ADAMTS18: variants seen among roughly 807,000 people sequenced by gnomAD.
The protein encoded by ADAMTS18 is A disintegrin and metalloproteinase with thrombospondin motifs 18.
Under a neutral mutation model 165.9 loss-of-function variants are expected in ADAMTS18, and 157 were observed. The ratio of observed to expected loss-of-function variants is 0.95; its 90% CI spans 0.83 to 1.08. The LOEUF is 1.08. Among genes scored for constraint, ADAMTS18 ranks in the 50% least tolerant of loss-of-function variants. The pLI, the probability that ADAMTS18 is intolerant of heterozygous loss-of-function variation, is 0.00. For missense variants in ADAMTS18, 2,040 were observed against 1,534.0 expected, an observed-to-expected ratio of 1.33 and a Z score of -5.51; for synonymous variants, 782 against 578.2, an observed-to-expected ratio of 1.35 and a Z score of -5.06.
intron 16 of ADAMTS18, among the ~76,000 whole-genome samples, chr16:77,303,332 A>G (rs2055621088): frequency 6.6e-6 from 1 of 152,194 alleles, no homozygotes; most frequent in African/African-American, 2.4e-5. Context: ...CCCATCTTCC[A>G]TACTACATTG....
intron 3 of ADAMTS18, among the ~76,000 whole-genome samples, chr16:77,383,416 T>C (rs1229133835): frequency 6.6e-6 from 1 of 152,168 alleles, no homozygotes; most frequent in East Asian, 1.9e-4. Context: ...ATTCACTCCA[T>C]TGCTGTTCTA....
intron 3 of ADAMTS18, among the ~76,000 whole-genome samples, chr16:77,419,996 G>A (rs1390183600): frequency 1.2e-5 from 1 of 86,466 alleles, no homozygotes; most frequent in African/African-American, 4.5e-5. Flanking sequence ...AGACTCTGTC[G>A]CAGATTAAAA....
chr16:77,290,457 T>C (rs1386079692), intron 21 of ADAMTS18: 1 of 152,226 alleles, frequency 6.6e-6, no homozygotes, highest in Non-Finnish European at 1.5e-5. Context: ...CCCAGCAATA[T>C]GTGTAACACC....
intron 14 of ADAMTS18, among the ~76,000 whole-genome samples, chr16:77,322,097 G>A (rs1159313731): frequency 7.2e-6 from 1 of 139,630 alleles, no homozygotes; most frequent in Non-Finnish European, 1.5e-5. Flanking sequence ...AGAGGTTACA[G>A]TGAGCTAAGA....
rs903303295 is a variant in ADAMTS18, at chr16:77,283,392, C to T, written c.*564G>A. The T allele has an allele frequency of 6.4e-6, 1 of 157,220 alleles. No homozygotes were observed. The highest frequency in any genetic ancestry group is 1.4e-5 in the Non-Finnish European group (1 of 71,180). The allele number at this position is 157,220 out of a possible 1,614,324, so 9.7% of individuals were successfully genotyped here. The stretch of plus-strand genomic sequence containing the variant: ...TTACACAAAATAATAAAGACACACG[C>T]ACACCAAATAAACATAACATGAAGC... On this transcript the variant is annotated 3_prime_UTR_variant, in exon 23 of 23. Transcript: ENST00000282849.
At chr16:77,326,093 T>G in intron 12 of ADAMTS18, 55 bp from the exon 13 acceptor site, 1 of 1,531,162 alleles carries the variant, frequency 6.5e-7, no homozygotes, top group Non-Finnish European at 9.0e-7. Context: ...TCATTATTAG[T>G]CACATGCAAT....
intron 3 of ADAMTS18, among the ~76,000 whole-genome samples, chr16:77,401,307 CAT>C (rs1416046151): frequency 6.6e-6 from 1 of 152,086 alleles, no homozygotes; most frequent in East Asian, 1.9e-4. Context: ...CAAATTGTAA[CAT>C]AAATCAAGCC....
At chr16:77,434,287 G>A (rs115284586) in intron 2 of ADAMTS18, 131 bp downstream of exon 2, 1 of 1,084,084 alleles carries the variant, frequency 9.2e-7, no homozygotes. Flanking sequence ...TCTCCAAACA[G>A]GAACCATTTC....
intron 3 of ADAMTS18, among the ~76,000 whole-genome samples, chr16:77,400,617 G>A (rs553619908): frequency 6.6e-6 from 1 of 152,010 alleles, no homozygotes; most frequent in South Asian, 2.1e-4. Flanking sequence ...AAGTAGCTGG[G>A]ACTACAGGCG....
chr16:77,419,731 G>C (rs1271800347), intron 3 of ADAMTS18, among the ~76,000 whole-genome samples: 9 of 152,098 alleles, frequency 5.9e-5, no homozygotes, highest in Admixed American at 5.9e-4. Flanking sequence ...ACCTCGCCAG[G>C]TGCGGTGACT....
intron 16 of ADAMTS18, among the ~76,000 whole-genome samples, chr16:77,301,899 AG>A (rs1220391000): frequency 1.3e-5 from 2 of 152,080 alleles, no homozygotes; most frequent in Non-Finnish European, 2.9e-5. Flanking sequence ...CACAACAGGT[AG>A]TACCATTACA....
Position 77,364,225 on chromosome 16 carries a change from C to G in ADAMTS18, c.935G>C (p.Gly312Ala), listed in dbSNP as rs2056758344. ...DKKMVEKHGK[G>A]NVTTYILTVM... is the part of the protein sequence containing the mutation. ...TGTGAGAATGTATGTGGTGACATTT[C>G]CCTTGCCATGCTTTTCCACCATTTT... The change falls in exon 5 of 23, where the codon GGA becomes GCA. Residue 312 changes from glycine to alanine, a missense_variant. By Grantham distance (60) the Gly-to-Ala change is moderately conservative (BLOSUM62 0). Transcript: ENST00000282849. 1.2e-6 allele frequency: 2 copies of G among 1,613,938 alleles called. No homozygotes were observed. The highest frequency in any genetic ancestry group is 3.3e-5 in the Admixed American group (2 of 59,974).
intron 7 of ADAMTS18, among the ~76,000 whole-genome samples, chr16:77,361,204 C>A (rs2056708164): frequency 6.6e-6 from 1 of 152,196 alleles, no homozygotes; most frequent in South Asian, 2.1e-4. Context: ...CCACAGAGAC[C>A]TGTGGCCTGC....
In ADAMTS18 at chr16:77,284,017, C is replaced by T. The variant is rs2055198971; in HGVS notation, c.3605G>A (p.Gly1202Asp). The change falls in exon 23 of 23, where the codon GGT becomes GAT. Residue 1202 changes from glycine to aspartate, a missense_variant. Gly to Asp is a moderately conservative substitution (Grantham distance 94). Transcript: ENST00000282849. ...FNWCHLVPQH[G>D]VCNHKFYGKQ... The stretch of plus-strand genomic sequence containing the variant: ...TCCGTAAAACTTGTGGTTGCAGACA[C>T]CATGCTGAGGAACTAGGTGACACCA... The T allele has an allele frequency of 6.2e-7, 1 of 1,614,000 alleles. No homozygotes were observed. Among genetic ancestry groups the T allele is most frequent in the Non-Finnish European group, 8.5e-7 (1 of 1,179,940 alleles).
chr16:77,356,152 A>G, intron 8 of ADAMTS18, 75 bp from the exon 9 acceptor site: 1 of 1,593,732 alleles, frequency 6.3e-7, no homozygotes, highest in Admixed American at 1.7e-5. Flanking sequence ...GGAAGAATAA[A>G]GATGTATTGA....
At chr16:77,434,305 G>C (rs1223031337) in intron 2 of ADAMTS18, 113 bp downstream of exon 2, 3 of 1,249,232 alleles carry the variant, frequency 2.4e-6, no homozygotes, top group South Asian at 1.3e-5. Context: ...TTCCAAGACA[G>C]CGCACACCTG....
At chr16:77,351,730 A>AT (rs1038036926) in intron 10 of ADAMTS18, among the ~76,000 whole-genome samples, 56 of 150,690 alleles carry the variant, frequency 3.7e-4, no homozygotes, top group Non-Finnish European at 6.2e-4. Flanking sequence ...CAGTCTGTTA[A>AT]TTTTTTTTTT....
At chr16:77,295,257 C>T (rs1463631623) in intron 18 of ADAMTS18, 130 bp from the exon 19 acceptor site, 1 of 937,292 alleles carries the variant, frequency 1.1e-6, no homozygotes, top group Admixed American at 2.0e-5. Flanking sequence ...ATAAGTTATT[C>T]TAATTGTTCT....
intron 3 of ADAMTS18, among the ~76,000 whole-genome samples, chr16:77,370,653 G>A (rs2056863078): frequency 1.3e-5 from 2 of 152,154 alleles, no homozygotes; most frequent in South Asian, 4.1e-4. Flanking sequence ...AGGAGGCTGA[G>A]ACAGGAGAAT....
Sources: gnomAD v4.1 joint callset for allele counts (sites outside exome capture counted in the v4.1 genomes callset) on GRCh38, gnomAD v4.1.1 for gene constraint, MANE v1.5 for transcripts, NCBI Gene and HGNC (gene_info 2026-07-23, HGNC 2026-07-21) for gene names.